The following ZNF716 variants were observed in gnomAD, a reference collection of about 807,000 sequenced individuals.
ZNF716 encodes the protein zinc finger protein 716.
Under a neutral mutation model 13.4 loss-of-function variants are expected in ZNF716, and 9 were observed. The observed-to-expected ratio is 0.67, with a 90% CI of 0.41 to 1.18. ZNF716 has a LOEUF of 1.18. Among genes scored for constraint, ZNF716 ranks in the 50% most tolerant of loss-of-function variants. ZNF716 has a pLI of 0.01. For synonymous variants in ZNF716, 186 were observed against 195.2 expected, an observed-to-expected ratio of 0.95 and a Z score of 0.39; for missense variants, 581 against 576.6, an observed-to-expected ratio of 1.01 and a Z score of -0.08.
At chr7:57,461,165 C>A (rs1359600318) in intron 1 of ZNF716, among the ~76,000 whole-genome samples, 1 of 151,948 alleles carries the variant, frequency 6.6e-6, no homozygotes, top group Admixed American at 6.6e-5. Flanking sequence ...GTGATCCCAG[C>A]TACTCAGGGG....
Position 57,472,566 on chromosome 7 carries a change from A to C in ZNF716, c.*2617A>C, listed in dbSNP as rs1354490693. ...ACTGCAACCTCCACCTCCTGGGTCC[A>C]AGTGATTCTCCTGCTTCAGCCTCAC... is the stretch of plus-strand genomic sequence containing the variant. On this transcript the variant is annotated 3_prime_UTR_variant, in exon 4 of 4. Coordinates refer to ENST00000420713, the MANE Select transcript of ZNF716 (RefSeq NM_001159279.1). 2.0e-5 allele frequency: 3 copies of C among 152,282 alleles called. No homozygotes were observed. Among genetic ancestry groups the C allele is most frequent in the African/African-American group, 7.2e-5 (3 of 41,456 alleles). 9.4% of individuals were successfully genotyped at this position (152,282 alleles called of 1,614,324 possible).
intron 1 of ZNF716, among the ~76,000 whole-genome samples, chr7:57,459,013 T>A (rs1477380109): frequency 6.6e-6 from 1 of 152,228 alleles, no homozygotes; most frequent in African/African-American, 2.4e-5. Flanking sequence ...AAAATTTTTT[T>A]ATTTCTGGCT....
intron 3 of ZNF716, among the ~76,000 whole-genome samples, chr7:57,464,713 AC>A (rs1789775237): frequency 7.9e-6 from 1 of 127,152 alleles, no homozygotes; most frequent in Non-Finnish European, 1.7e-5. Context: ...GAGTTTCGTT[AC>A]TTTTTTTTCA....
In ZNF716 at chr7:57,471,596, A is replaced by T. The variant is rs1365396110; in HGVS notation, c.*1647A>T. The T allele has an allele frequency of 6.6e-6, 1 of 152,188 alleles. No homozygotes were observed. Among genetic ancestry groups the T allele is most frequent in the Admixed American group, 6.5e-5 (1 of 15,282 alleles). 9.4% of individuals were successfully genotyped at this position (152,188 alleles called of 1,614,324 possible). A position where few individuals can be genotyped will look rare whatever the true frequency, so the allele number is the denominator to read the frequency against. ...TTTTATATCAAAGGAAAACCCTGAA[A>T]CAGATGCTCAAACTTTGTTGAACAT... On this transcript the variant is annotated 3_prime_UTR_variant, in exon 4 of 4. Transcript: ENST00000420713.
intron 3 of ZNF716, among the ~76,000 whole-genome samples, chr7:57,466,475 C>G (rs1554324142): frequency 6.7e-6 from 1 of 148,198 alleles, no homozygotes; most frequent in African/African-American, 2.6e-5. Context: ...AGTTCTCACT[C>G]TATTAATTCA....
At chr7:57,461,513 C>T (rs1789707872) in intron 1 of ZNF716, among the ~76,000 whole-genome samples, 2 of 152,142 alleles carry the variant, frequency 1.3e-5, no homozygotes, top group Non-Finnish European at 1.5e-5. Flanking sequence ...TAAACCATCA[C>T]ATTTAATCTG....
intron 1 of ZNF716, among the ~76,000 whole-genome samples, chr7:57,455,562 G>C (rs782066468): frequency 3.3e-5 from 5 of 151,252 alleles, no homozygotes; most frequent in Non-Finnish European, 7.4e-5. Flanking sequence ...TGTCACCCTG[G>C]CTGGAGTGCA....
In ZNF716 at chr7:57,470,020, G is replaced by T; in HGVS notation, c.*71G>T. Reference sequence around the variant, plus strand: ...TATACTGGAAAAAATCACTACAAGTGTGGAGAATGTGGCCAATTCTTTAAC... The same window carrying T: ...TATACTGGAAAAAATCACTACAAGTTTGGAGAATGTGGCCAATTCTTTAAC... On this transcript the variant is annotated 3_prime_UTR_variant, in exon 4 of 4. Transcript: ENST00000420713. The T allele has an allele frequency of 2.2e-6, 3 of 1,384,252 alleles. No individual in the cohort carries two copies. Among genetic ancestry groups the T allele is most frequent in the Non-Finnish European group, 2.9e-6 (3 of 1,038,598 alleles). The allele number at this position is 1,384,252 out of a possible 1,614,324, so 85.7% of individuals were successfully genotyped here.
At chr7:57,460,705 A>G (rs1412495453) in intron 1 of ZNF716, among the ~76,000 whole-genome samples, 1 of 152,122 alleles carries the variant, frequency 6.6e-6, no homozygotes, top group African/African-American at 2.4e-5. Flanking sequence ...GATACTCAAT[A>G]TTTCTTTGGG....
At chr7:57,453,252 T>G (rs1554321771) in intron 1 of ZNF716, among the ~76,000 whole-genome samples, 1 of 152,106 alleles carries the variant, frequency 6.6e-6, no homozygotes, top group East Asian at 1.9e-4. Flanking sequence ...GAGGGCACAG[T>G]GCAGTGTCTC....
At chr7:57,452,181 T>C (rs1319367065) in intron 1 of ZNF716, among the ~76,000 whole-genome samples, 3 of 152,216 alleles carry the variant, frequency 2.0e-5, no homozygotes, top group Admixed American at 1.3e-4. Flanking sequence ...ATGTCAACTT[T>C]TCTTTCTAAC....
chr7:57,460,420 C>T (rs1365014061), intron 1 of ZNF716, among the ~76,000 whole-genome samples: 4 of 143,346 alleles, frequency 2.8e-5, no homozygotes, highest in African/African-American at 7.8e-5. Context: ...AAAAAGGCAG[C>T]GTCCACTCTG....
In ZNF716 at chr7:57,473,221, T is replaced by A. The variant is rs1335611164; in HGVS notation, c.*3272T>A. 6.6e-6 allele frequency: 1 copy of A among 152,270 alleles called. No individual in the cohort carries two copies. The highest frequency in any genetic ancestry group is 1.9e-4 in the East Asian group (1 of 5,180). 9.4% of individuals were successfully genotyped at this position (152,270 alleles called of 1,614,324 possible). ...GTTTCAATTTACATAGAGTTACATA[T>A]ACAAATATATTACTCTAAAGATATA... On this transcript the variant is annotated 3_prime_UTR_variant, in exon 4 of 4. Coordinates refer to ENST00000420713, the MANE Select transcript of ZNF716 (RefSeq NM_001159279.1).
intron 1 of ZNF716, among the ~76,000 whole-genome samples, chr7:57,461,685 G>A (rs1789710516): frequency 6.6e-6 from 1 of 152,112 alleles, no homozygotes; most frequent in Non-Finnish European, 1.5e-5. Context: ...AAACATTGGT[G>A]AGCTTGCTAG....
chr7:57,469,510 A>C lies in ZNF716; in HGVS notation c.1049A>C (p.Lys350Thr). ...KKHKIVHTGE[K>T]LYTCEECGKA... ...CATAAGATAGTTCATACTGGGGAGA[A>C]ACTCTACACATGTGAAGAATGTGGG... Residue 350 changes from lysine (K) to threonine (T), a missense_variant, in exon 4 of 4, where the codon AAA becomes ACA. Lys to Thr is a moderately conservative substitution (Grantham distance 78, BLOSUM62 -1). Coordinates refer to ENST00000420713, the MANE Select transcript of ZNF716 (RefSeq NM_001159279.1). 1 of 1,611,664 alleles carries C rather than the reference A, an allele frequency of 6.2e-7. No homozygotes were observed. The highest frequency in any genetic ancestry group is 8.5e-7 in the Non-Finnish European group (1 of 1,178,778).
rs148750056 is a variant in ZNF716, at chr7:57,468,043, C to T, written c.263-681C>T. 3.9e-3 allele frequency among the ~76,000 whole-genome samples: 590 copies of T among 152,172 alleles called. 4 individuals are homozygous for T. The highest frequency in any genetic ancestry group is 0.013 in the African/African-American group (557 of 41,526). ...CTTTCACGATCTTTATAATGCAGCT[C>T]TTTCCTGGCATAGCCTGAAACCGAT... On this transcript the variant is annotated intron_variant, in intron 3 of 3. Transcript: ENST00000420713.
At chr7:57,459,924 GC>G (rs1789677592) in intron 1 of ZNF716, among the ~76,000 whole-genome samples, 1 of 152,112 alleles carries the variant, frequency 6.6e-6, no homozygotes. Context: ...CGGTCTTTCT[GC>G]CCGTGGGTGT....
chr7:57,459,114 A>G (rs1372354068), intron 1 of ZNF716, among the ~76,000 whole-genome samples: 1 of 152,206 alleles, frequency 6.6e-6, no homozygotes, highest in Non-Finnish European at 1.5e-5. Context: ...GTATTGAATT[A>G]TCCTATACAT....
chr7:57,468,526 T>C (rs1367396121), intron 3 of ZNF716, among the ~76,000 whole-genome samples, 198 bp from the exon 4 acceptor site: 4 of 152,188 alleles, frequency 2.6e-5, no homozygotes, highest in Non-Finnish European at 4.4e-5. Flanking sequence ...ACAGTTACCT[T>C]ACTTATAAAT....
Sources: allele counts gnomAD v4.1 joint callset (sites outside exome capture counted in the v4.1 genomes callset), GRCh38; gene constraint gnomAD v4.1.1; transcripts MANE v1.5; gene names NCBI Gene and HGNC (gene_info 2026-07-23, HGNC 2026-07-21).